Variants in LDB2 observed in about 807,000 individuals in gnomAD.
LDB2 encodes LIM domain-binding protein 2.
A neutral mutation model predicts 44.3 loss-of-function variants in LDB2; 12 were observed. The observed-to-expected ratio is 0.27, with a 90% confidence interval of 0.17 to 0.44. LDB2 has a LOEUF of 0.44. Among genes scored for constraint, LDB2 ranks in the 20% least tolerant of loss-of-function variants. LDB2 has a pLI of 1.00. For missense variants in LDB2, 344 were observed against 473.5 expected (o/e 0.73, Z 2.54); for synonymous variants, 164 against 174.8 (o/e 0.94, Z 0.49).
intron 5 of LDB2, among the ~76,000 whole-genome samples, chr4:16,530,619 G>C (rs911530816): frequency 6.6e-6 from 1 of 152,120 alleles, no homozygotes; most frequent in Non-Finnish European, 1.5e-5. Context: ...CATAAAATAA[G>C]GGTTAACATA....
At chr4:16,581,977 AGGAAGGGAAGGAAGGGAAGGAAG>A (rs1208161899) in intron 5 of LDB2, among the ~76,000 whole-genome samples, 1 of 117,384 alleles carries the variant, frequency 8.5e-6, no homozygotes, top group African/African-American at 3.3e-5. Flanking sequence ...GAAGGAAGGA[AGGAAGGGAAGGAAGGGAAGGAAG>A]GGAAGGAAGG....
At chr4:16,569,440 C>A (rs2152395823) in intron 5 of LDB2, among the ~76,000 whole-genome samples, 1 of 152,234 alleles carries the variant, frequency 6.6e-6, no homozygotes, top group Admixed American at 6.5e-5. Flanking sequence ...TGGCCAAGAA[C>A]AAATTTTAAG....
intron 2 of LDB2, among the ~76,000 whole-genome samples, chr4:16,606,260 C>T (rs1406161346): frequency 1.3e-5 from 2 of 152,138 alleles, no homozygotes; most frequent in African/African-American, 4.8e-5. Flanking sequence ...ATTTTAAATG[C>T]AGCATTGTAT....
chr4:16,862,236 A>AT lies in LDB2; in HGVS notation c.132+36117dup, dbSNP rs199834135. Among the ~76,000 whole-genome samples, 446 of 150,306 alleles carry AT rather than the reference A, an allele frequency of 3.0e-3. 5 individuals carry two copies. Among genetic ancestry groups the AT allele is most frequent in the African/African-American group, 0.01 (411 of 40,256 alleles). ...TCTTTTGAATCCTGAGTAATACATC[A>AT]TTTTTTTCAATTTTTTTTTTTTATT... On this transcript the variant is annotated intron_variant, in intron 1 of 7. Transcript: ENST00000304523.
At chr4:16,687,848 C>A (rs944059965) in intron 2 of LDB2, among the ~76,000 whole-genome samples, 1 of 152,184 alleles carries the variant, frequency 6.6e-6, no homozygotes, top group Non-Finnish European at 1.5e-5. Flanking sequence ...CGTTTTGGAA[C>A]TGAAATTAAC....
At chr4:16,656,657 G>T (rs938273875) in intron 2 of LDB2, among the ~76,000 whole-genome samples, 1 of 152,174 alleles carries the variant, frequency 6.6e-6, no homozygotes, top group Non-Finnish European at 1.5e-5. Context: ...ATTGTCATTT[G>T]CAGTGAGTGT....
intron 2 of LDB2, among the ~76,000 whole-genome samples, chr4:16,678,905 T>G (rs16893758): frequency 0.029 from 4,341 of 152,268 alleles, 209 homozygotes; most frequent in African/African-American, 0.1. Flanking sequence ...TCTACCTGAT[T>G]GAGTCCTTTT....
At chr4:16,668,800 C>G (rs1301934884) in intron 2 of LDB2, among the ~76,000 whole-genome samples, 4 of 152,216 alleles carry the variant, frequency 2.6e-5, no homozygotes, top group Non-Finnish European at 5.9e-5. Context: ...CATTACAGCT[C>G]TGTCTTCTTT....
chr4:16,890,088 C>A lies in LDB2; in HGVS notation c.132+8266G>T, dbSNP rs191448923. The stretch of plus-strand genomic sequence containing the variant: ...AGCCATATATTCGGTGTTCCCTGAC[C>A]GAGGGCAAAGGTCCTGCAGTGTGAA... On this transcript the variant is annotated intron_variant, in intron 1 of 7. Transcript: ENST00000304523. 1.1e-4 allele frequency among the ~76,000 whole-genome samples: 17 copies of A among 152,272 alleles called. No homozygotes were observed. The East Asian group carries it at 3.1e-3, about 28-fold the overall frequency.
At chr4:16,558,084 A>C (rs1352946262) in intron 5 of LDB2, among the ~76,000 whole-genome samples, 1 of 152,140 alleles carries the variant, frequency 6.6e-6, no homozygotes, top group Non-Finnish European at 1.5e-5. Flanking sequence ...ATCATCAAAG[A>C]CCAAAAGTAG....
In LDB2 at chr4:16,674,366, C is replaced by T. The variant is rs1256440970; in HGVS notation, c.236-78491G>A. On this transcript the variant is annotated intron_variant, in intron 2 of 7. Coordinates refer to ENST00000304523, the MANE Select transcript of LDB2 (RefSeq NM_001290.5). ...TGTCTCTGAGATGCAAAGATAAGAG[C>T]AGTTGCCCTGGAGGCGGTGTTAGAA... 4 of 919,016 alleles carry T rather than the reference C, an allele frequency of 4.4e-6. No homozygotes were observed. The East Asian group carries it at 2.5e-4, about 57-fold the overall frequency. 56.9% of individuals were successfully genotyped at this position (919,016 alleles called of 1,614,324 possible).
intron 1 of LDB2, among the ~76,000 whole-genome samples, chr4:16,861,059 T>C (rs1712384400): frequency 6.6e-6 from 1 of 152,224 alleles, no homozygotes; most frequent in South Asian, 2.1e-4. Flanking sequence ...GGAGGACTTC[T>C]CTGCTGGACT....
intron 2 of LDB2, among the ~76,000 whole-genome samples, chr4:16,604,519 ATATATATATT>A (rs1210814497): frequency 6.7e-6 from 1 of 148,976 alleles, no homozygotes; most frequent in East Asian, 1.9e-4. Flanking sequence ...ACATGAGAAA[ATATATATATT>A]TATATATATA....
At chr4:16,866,024 T>C (rs546649255) in intron 1 of LDB2, among the ~76,000 whole-genome samples, 1 of 152,342 alleles carries the variant, frequency 6.6e-6, no homozygotes, top group South Asian at 2.1e-4. Flanking sequence ...CCCATTTTAT[T>C]TTTCTTCAAA....
At chr4:16,764,473 G>A (rs1052992785) in intron 1 of LDB2, among the ~76,000 whole-genome samples, 3 of 150,672 alleles carry the variant, frequency 2.0e-5, no homozygotes, top group African/African-American at 7.3e-5. Flanking sequence ...TCTACTGGTA[G>A]ACACTCAGTT....
chr4:16,681,090 C>T (rs2152567789), intron 2 of LDB2, among the ~76,000 whole-genome samples: 1 of 152,226 alleles, frequency 6.6e-6, no homozygotes, highest in Non-Finnish European at 1.5e-5. Context: ...ATCAGCAGTC[C>T]TCAAAATATG....
chr4:16,682,587 C>T (rs530161138), intron 2 of LDB2, among the ~76,000 whole-genome samples: 1 of 152,334 alleles, frequency 6.6e-6, no homozygotes, highest in African/African-American at 2.4e-5. Context: ...CCTCCCCACG[C>T]CTGATGTTTC....
chr4:16,701,326 A>C (rs1753391673), intron 2 of LDB2, among the ~76,000 whole-genome samples: 1 of 152,190 alleles, frequency 6.6e-6, no homozygotes, highest in Non-Finnish European at 1.5e-5. Context: ...TTGCTCCCAG[A>C]AGTGAAGAAA....
intron 2 of LDB2, among the ~76,000 whole-genome samples, chr4:16,680,979 T>C (rs1252424543): frequency 1.3e-5 from 2 of 152,136 alleles, no homozygotes; most frequent in African/African-American, 2.4e-5. Flanking sequence ...GTAGGCAAAA[T>C]TCAAAGATGC....
Sources: allele counts gnomAD v4.1 joint callset (sites outside exome capture counted in the v4.1 genomes callset), GRCh38; gene constraint gnomAD v4.1.1; transcripts MANE v1.5; gene names NCBI Gene and HGNC (gene_info 2026-07-23, HGNC 2026-07-21).